Variants in IGSF10 observed in about 807,000 individuals in gnomAD.
IGSF10 encodes the protein immunoglobulin superfamily member 10.
Under a neutral mutation model 128.2 loss-of-function variants are expected in IGSF10, and 126 were observed. The observed-to-expected ratio is 0.98, with a 90% CI of 0.85 to 1.14. IGSF10 has a LOEUF of 1.14. Among genes scored for constraint, IGSF10 ranks in the 50% most tolerant of loss-of-function variants. The probability of loss-of-function intolerance (pLI) is 0.00; values close to 1 mark genes in which losing one functional copy is unlikely to be tolerated. For synonymous variants in IGSF10, 1,185 were observed against 1,146.2 expected (o/e 1.03, Z -0.68); for missense variants, 3,295 against 3,149.8 (o/e 1.05, Z -1.10).
chr3:151,535,441 A>G, the IGSF10 span, among the ~76,000 whole-genome samples: 1,487 of 152,254 alleles, frequency 9.8e-3, 23 homozygotes, highest in African/African-American at 0.035. Context: ...GCAAAAATAG[A>G]CACTGGGACT....
the IGSF10 span, among the ~76,000 whole-genome samples, chr3:151,502,540 C>T: frequency 6.6e-6 from 1 of 152,018 alleles, no homozygotes; most frequent in Non-Finnish European, 1.5e-5. Context: ...TTTAACTACA[C>T]TTTAGCAAGG....
At chr3:151,458,482 T>C in intron 3 of IGSF10, 34 bp downstream of exon 3, 1 of 1,542,734 alleles carries the variant, frequency 6.5e-7, no homozygotes, top group South Asian at 1.2e-5. Context: ...GACTGATCCC[T>C]CTTTGAGAAG....
the IGSF10 span, among the ~76,000 whole-genome samples, chr3:151,582,852 T>G: frequency 6.6e-6 from 1 of 152,242 alleles, no homozygotes; most frequent in Non-Finnish European, 1.5e-5. Flanking sequence ...TTCACATTTA[T>G]GTATGATTTT....
the IGSF10 span, among the ~76,000 whole-genome samples, chr3:151,605,779 C>G: frequency 6.6e-6 from 1 of 152,224 alleles, no homozygotes; most frequent in African/African-American, 2.4e-5. Flanking sequence ...CCTTGCCACT[C>G]TGTGGACAGA....
intron 6 of IGSF10, among the ~76,000 whole-genome samples, chr3:151,444,204 G>A (rs1350271408): frequency 6.6e-6 from 1 of 151,810 alleles, no homozygotes; most frequent in African/African-American, 2.4e-5. Flanking sequence ...TTGAGCCCCT[G>A]GAGACATGAT....
In IGSF10 at chr3:151,447,856, C is replaced by T; in HGVS notation, c.2125G>A (p.Gly709Arg). 2 of 1,614,042 alleles carry T rather than the reference C, an allele frequency of 1.2e-6. No individual in the cohort carries two copies. The highest frequency in any genetic ancestry group is 1.7e-6 in the Non-Finnish European group (2 of 1,180,004). ...RTSALMEAEV[G>R]KHTSSTSKRH... ...TTACTTGTGCTTGAGGTGTGTTTTC[C>T]AACCTCAGCCTCCATCAGAGCAGAT... Residue 709 changes from glycine to arginine, a missense_variant, in exon 6 of 8, where the codon GGA becomes AGA. By Grantham distance (125) the Gly-to-Arg change is moderately radical (BLOSUM62 -2). Transcript: ENST00000282466.
At chr3:151,494,493 C>T in the IGSF10 span, among the ~76,000 whole-genome samples, 1 of 151,838 alleles carries the variant, frequency 6.6e-6, no homozygotes, top group African/African-American at 2.4e-5. Flanking sequence ...TTTTTTCTTC[C>T]CCTCTGCATT....
chr3:151,432,732 C>G (rs1387120936), downstream of IGSF10: 1 of 1,607,070 alleles, frequency 6.2e-7, no homozygotes, highest in Admixed American at 1.7e-5. Context: ...AATTTTGGTT[C>G]AATTTATTTT....
downstream of IGSF10, chr3:151,433,880 T>A (rs1335643497): frequency 2.6e-5 from 4 of 152,662 alleles, no homozygotes; most frequent in South Asian, 2.1e-4. Context: ...ATTTATAAAT[T>A]GGTGCAAAAA....
chr3:151,446,716 AGGTGAT>A lies in IGSF10; in HGVS notation c.3259_3264del (p.Ile1087_Thr1088del). 1.2e-6 allele frequency: 2 copies of A among 1,614,176 alleles called. No individual in the cohort carries two copies. The highest frequency in any genetic ancestry group is 2.2e-5 in the South Asian group (2 of 91,090). On this transcript the variant is annotated inframe_deletion, in exon 6 of 8. Coordinates refer to ENST00000282466, the MANE Select transcript of IGSF10 (RefSeq NM_178822.5). ...ACTCTAGCAATGTCAGCTTTGGGGA[AGGTGAT>A]GGGAGCAGCACTTGGAAAAGACAAT...
upstream of IGSF10, among the ~76,000 whole-genome samples, chr3:151,463,765 C>A (rs923904636): frequency 6.6e-6 from 1 of 151,856 alleles, no homozygotes; most frequent in African/African-American, 2.4e-5. Flanking sequence ...GCGGGAGGAT[C>A]ACCTGAGGTC....
the IGSF10 span, among the ~76,000 whole-genome samples, chr3:151,552,145 A>C: frequency 6.6e-6 from 1 of 151,980 alleles, no homozygotes; most frequent in African/African-American, 2.4e-5. Context: ...AGTGTGTAGC[A>C]TTTCCCCCTT....
chr3:151,614,093 G>T, the IGSF10 span, among the ~76,000 whole-genome samples: 1 of 152,342 alleles, frequency 6.6e-6, no homozygotes, highest in African/African-American at 2.4e-5. Context: ...CTGGCCATCA[G>T]ATAAATGCAA....
At chr3:151,456,149 A>G (rs1037957023) in intron 4 of IGSF10, among the ~76,000 whole-genome samples, 19 of 152,370 alleles carry the variant, frequency 1.2e-4, no homozygotes, top group African/African-American at 4.3e-4. Context: ...GAAGACATAC[A>G]TTCCAAATAG....
the IGSF10 span, among the ~76,000 whole-genome samples, chr3:151,503,401 A>T: frequency 7.9e-5 from 12 of 152,146 alleles, no homozygotes; most frequent in African/African-American, 2.4e-4. Flanking sequence ...TATTTGCAGG[A>T]ACAAGAAAAA....
the IGSF10 span, among the ~76,000 whole-genome samples, chr3:151,569,643 A>G: frequency 2.0e-5 from 3 of 152,224 alleles, no homozygotes; most frequent in Non-Finnish European, 4.4e-5. Flanking sequence ...GTTCAAGGGC[A>G]GGAAATACAG....
chr3:151,549,498 A>G, the IGSF10 span, among the ~76,000 whole-genome samples: 1 of 152,128 alleles, frequency 6.6e-6, no homozygotes, highest in Non-Finnish European at 1.5e-5. Flanking sequence ...CTCAATTCCT[A>G]TGCATTTAAG....
At chr3:151,556,247 T>C in the IGSF10 span, among the ~76,000 whole-genome samples, 1 of 152,302 alleles carries the variant, frequency 6.6e-6, no homozygotes, top group East Asian at 1.9e-4. Flanking sequence ...AAAAAATATT[T>C]AGAGACTTCC....
rs867337533 is a variant in IGSF10, at chr3:151,443,022, C to T, written c.5925G>A (p.Trp1975Ter). 6 of 1,614,058 alleles carry T rather than the reference C, an allele frequency of 3.7e-6. No homozygotes were observed. Among genetic ancestry groups the T allele is most frequent in the Non-Finnish European group, 5.1e-6 (6 of 1,180,030 alleles). The change falls in exon 7 of 8, where the codon TGG becomes TGA. Residue 1975 changes from tryptophan to a stop codon, truncating the protein, a stop_gained. Coordinates refer to ENST00000282466, the MANE Select transcript of IGSF10 (RefSeq NM_178822.5). LOFTEE classifies it low-confidence loss of function (END_TRUNC). ...ATGEPKPQIM[W>*]RLPSKAVVDQ... ...CGACCACAGCCTTGGATGGTAACCT[C>T]CACATTATTTGGGGTTTGGGCTCCC... is the stretch of plus-strand genomic sequence containing the variant.
Sources: gnomAD v4.1 joint callset for allele counts (sites outside exome capture counted in the v4.1 genomes callset) on GRCh38, gnomAD v4.1.1 for gene constraint, MANE v1.5 for transcripts, NCBI Gene and HGNC (gene_info 2026-07-23, HGNC 2026-07-21) for gene names.